KIAA0825: variants seen among roughly 807,000 people sequenced by gnomAD.
The protein encoded by KIAA0825 is KIAA0825.
KIAA0825 carries 119 observed loss-of-function variants against 147.6 expected under a neutral mutation model. The ratio of observed to expected loss-of-function variants is 0.81; its 90% CI spans 0.69 to 0.94. The LOEUF is 0.94. KIAA0825 is among the 40% of genes least tolerant of loss of function. The probability of loss-of-function intolerance (pLI) is 0.00; values close to 1 mark genes in which losing one functional copy is unlikely to be tolerated. For synonymous variants in KIAA0825, 470 were observed against 518.1 expected (o/e 0.91, Z 1.26); for missense variants, 1,381 against 1,472.7 (o/e 0.94, Z 1.02).
At chr5:94,617,511 T>G (rs1246275174) in intron 1 of KIAA0825, among the ~76,000 whole-genome samples, 2 of 152,044 alleles carry the variant, frequency 1.3e-5, no homozygotes, top group Non-Finnish European at 2.9e-5. Context: ...AATGTTTTTA[T>G]GGGTATGAGG....
chr5:94,383,347 G>A (rs191981737), intron 20 of KIAA0825, among the ~76,000 whole-genome samples: 3 of 152,110 alleles, frequency 2.0e-5, no homozygotes, highest in Non-Finnish European at 4.4e-5. Context: ...ACTTCCTTCT[G>A]AGAAATACTG....
At chr5:94,503,988 T>C (rs1358027225) in intron 5 of KIAA0825, among the ~76,000 whole-genome samples, 1 of 152,082 alleles carries the variant, frequency 6.6e-6, no homozygotes, top group Non-Finnish European at 1.5e-5. Context: ...AGAACAATGA[T>C]CATAGACATG....
chr5:94,529,342 T>TGTATC (rs1770206882), intron 3 of KIAA0825, among the ~76,000 whole-genome samples: 2 of 143,696 alleles, frequency 1.4e-5, no homozygotes, highest in Admixed American at 7.0e-5. Flanking sequence ...TATATATGTA[T>TGTATC]ATATCATATA....
chr5:94,578,953 T>G (rs1781559893), intron 2 of KIAA0825, among the ~76,000 whole-genome samples: 1 of 152,176 alleles, frequency 6.6e-6, no homozygotes, highest in Non-Finnish European at 1.5e-5. Flanking sequence ...AGAGTCAGAC[T>G]CTGTCACCCA....
chr5:94,246,185 A>G (rs764888188), intron 20 of KIAA0825, among the ~76,000 whole-genome samples: 7 of 152,136 alleles, frequency 4.6e-5, no homozygotes, highest in Non-Finnish European at 7.4e-5. Context: ...ACAGTGAGCT[A>G]CCTTTTCTTC....
At position 94,519,836 on chromosome 5, in the gene KIAA0825, A is replaced by G. The variant is rs1419339549; in HGVS notation, c.970+412T>C. 1.2e-5 allele frequency: 8 copies of G among 659,608 alleles called. No individual in the cohort carries two copies. In the African/African-American group the frequency reaches 1.6e-4, roughly 13 times the overall value. The allele number at this position is 659,608 out of a possible 1,614,324, so 40.9% of individuals were successfully genotyped here. The stretch of plus-strand genomic sequence containing the variant: ...ACTTTTCTGTTATGTATATAACTAA[A>G]TGTACATATATATAACTGAGTATAT... On this transcript the variant is annotated intron_variant, in intron 5 of 20. Coordinates refer to ENST00000682413, the MANE Select transcript of KIAA0825 (RefSeq NM_001145678.3).
At chr5:94,348,551 T>A (rs1324290715) in intron 20 of KIAA0825, among the ~76,000 whole-genome samples, 1 of 152,168 alleles carries the variant, frequency 6.6e-6, no homozygotes, top group Admixed American at 6.5e-5. Flanking sequence ...AAACTAAGCA[T>A]CATACAGGAA....
chr5:94,196,646 T>C (rs1771157517), intron 20 of KIAA0825, among the ~76,000 whole-genome samples: 1 of 152,178 alleles, frequency 6.6e-6, no homozygotes, highest in Non-Finnish European at 1.5e-5. Flanking sequence ...ATGTCCCCAA[T>C]GTCTATTGTT....
chr5:94,290,154 C>T (rs1777823188), intron 20 of KIAA0825, among the ~76,000 whole-genome samples: 1 of 152,066 alleles, frequency 6.6e-6, no homozygotes, highest in South Asian at 2.1e-4. Context: ...GTTTATTATA[C>T]TTTAAGTTCT....
At chr5:94,409,889 G>A (rs1385532950) in intron 15 of KIAA0825, among the ~76,000 whole-genome samples, 1 of 152,070 alleles carries the variant, frequency 6.6e-6, no homozygotes, top group Non-Finnish European at 1.5e-5. Flanking sequence ...ATCTGTAATG[G>A]AAGAAAACAA....
chr5:94,459,096 T>C (rs981577403), intron 12 of KIAA0825, among the ~76,000 whole-genome samples: 1 of 152,106 alleles, frequency 6.6e-6, no homozygotes, highest in Admixed American at 6.6e-5. Context: ...TTGTGTCTGG[T>C]TTTTTTCACT....
chr5:94,192,096 C>A (rs557250850), intron 20 of KIAA0825, among the ~76,000 whole-genome samples: 1 of 152,242 alleles, frequency 6.6e-6, no homozygotes. Flanking sequence ...CTATGCAACT[C>A]TTCTTTCTTA....
rs539499899 is a variant in KIAA0825 at position 94,338,989 on chromosome 5, T to G, written c.3710+45379A>C. ...TATTCAAATTGTTACATTTGCCTTA[T>G]ATAAAGACATCAAACCTTATAATTT... On this transcript the variant is annotated intron_variant, in intron 20 of 20. Coordinates refer to ENST00000682413, the MANE Select transcript of KIAA0825 (RefSeq NM_001145678.3). Among the ~76,000 whole-genome samples the G allele has an allele frequency of 1.3e-3, 196 of 152,308 alleles. 1 individual carries two copies. The highest frequency in any genetic ancestry group is 4.4e-3 in the African/African-American group (184 of 41,568).
At chr5:94,441,110 T>A (rs756198) in intron 13 of KIAA0825, among the ~76,000 whole-genome samples, 35,539 of 151,906 alleles carry the variant, frequency 0.23, 4,595 homozygotes, top group Middle Eastern at 0.32. Flanking sequence ...TCTGCAGCAT[T>A]ATCATTAGCA....
Position 94,360,951 on chromosome 5 carries a change from T to G in KIAA0825, c.3710+23417A>C, listed in dbSNP as rs573381439. Among the ~76,000 whole-genome samples the G allele has an allele frequency of 3.1e-4, 47 of 152,286 alleles. No homozygotes were observed. In the South Asian group the frequency reaches 9.8e-3, roughly 32 times the overall value. ...CTTGGGGTCTGGATCGGGATCCCCT[T>G]CCAGTAACAGTGTGAATCAATATTA... On this transcript the variant is annotated intron_variant, in intron 20 of 20. Transcript: ENST00000682413.
At chr5:94,485,920 G>GT (rs1763000489) in intron 5 of KIAA0825, among the ~76,000 whole-genome samples, 1 of 151,420 alleles carries the variant, frequency 6.6e-6, no homozygotes, top group Admixed American at 6.6e-5. Context: ...TATTATTTGC[G>GT]TAAGAACAAT....
At chr5:94,455,978 G>A (rs542022812) in intron 12 of KIAA0825, among the ~76,000 whole-genome samples, 3 of 152,194 alleles carry the variant, frequency 2.0e-5, no homozygotes, top group South Asian at 4.1e-4. Context: ...AGGGTATGAG[G>A]AGGACCATGC....
intron 1 of KIAA0825, among the ~76,000 whole-genome samples, chr5:94,598,831 G>C (rs1161075534): frequency 6.6e-6 from 1 of 151,988 alleles, no homozygotes; most frequent in Non-Finnish European, 1.5e-5. Context: ...GTCGTTATGT[G>C]GCACATGACT....
intron 20 of KIAA0825, among the ~76,000 whole-genome samples, chr5:94,260,479 C>A (rs1235916722): frequency 6.6e-6 from 1 of 152,128 alleles, no homozygotes; most frequent in African/African-American, 2.4e-5. Context: ...TTCAGAAGCA[C>A]TGTCAGTCTT....
Sources: gnomAD v4.1 joint callset for allele counts (sites outside exome capture counted in the v4.1 genomes callset) on GRCh38, gnomAD v4.1.1 for gene constraint, MANE v1.5 for transcripts, NCBI Gene and HGNC (gene_info 2026-07-23, HGNC 2026-07-21) for gene names.